Variants in SAMD12 observed in about 807,000 individuals in gnomAD.
SAMD12 encodes sterile alpha motif domain containing 12.
SAMD12 carries 9 observed loss-of-function variants against 15.0 expected under a neutral mutation model. The ratio of observed to expected loss-of-function variants is 0.60; its 90% confidence interval spans 0.36 to 1.05. The LOEUF (loss-of-function observed/expected upper bound fraction) is 1.05. Ranked by LOEUF, SAMD12 falls within the 50% of genes least tolerant of loss-of-function variation. SAMD12 has a pLI of 0.01. For missense variants in SAMD12, 230 were observed against 234.2 expected (o/e 0.98, Z 0.12); for synonymous variants, 86 against 90.1 (o/e 0.96, Z 0.25).
intron 4 of SAMD12, among the ~76,000 whole-genome samples, chr8:118,300,043 T>C (rs1814935204): frequency 6.6e-6 from 1 of 151,942 alleles, no homozygotes; most frequent in Non-Finnish European, 1.5e-5. Flanking sequence ...TTTTTTTTAA[T>C]TGACATATAA....
At chr8:118,278,272 C>T (rs1025286373) in intron 4 of SAMD12, among the ~76,000 whole-genome samples, 16 of 152,216 alleles carry the variant, frequency 1.1e-4, no homozygotes, top group African/African-American at 3.9e-4. Flanking sequence ...TGTAGCCCTG[C>T]AGGCTGAGCC....
At chr8:118,408,016 T>C (rs771244096) in intron 3 of SAMD12, among the ~76,000 whole-genome samples, 2 of 152,174 alleles carry the variant, frequency 1.3e-5, no homozygotes, top group Non-Finnish European at 2.9e-5. Flanking sequence ...CAACCTCCTA[T>C]GTGACCAGCT....
intron 4 of SAMD12, among the ~76,000 whole-genome samples, chr8:118,321,174 TA>T (rs1816254953): frequency 9.1e-6 from 1 of 110,284 alleles, no homozygotes; most frequent in East Asian, 2.3e-4. Context: ...TATATATATA[TA>T]TATATATATA....
chr8:118,488,757 A>T (rs1033987575), intron 2 of SAMD12, among the ~76,000 whole-genome samples: 1 of 152,120 alleles, frequency 6.6e-6, no homozygotes, highest in Non-Finnish European at 1.5e-5. Context: ...CCCTTCTCCT[A>T]TTGGTGGACA....
At position 118,378,687 on chromosome 8, in the gene SAMD12, C is replaced by A; in HGVS notation, c.*730G>T. ...AGGCTCTCAAAAACACATATTTTATCATCCTTTCATTTAAAACGATGTACA... is the reference window on the plus strand; with the variant it reads ...AGGCTCTCAAAAACACATATTTTATAATCCTTTCATTTAAAACGATGTACA... On this transcript the variant is annotated 3_prime_UTR_variant, in exon 4 of 4. Transcript: ENST00000314727. 1.0e-6 allele frequency: 1 copy of A among 984,948 alleles called. No homozygotes were observed. Among genetic ancestry groups the A allele is most frequent in the Non-Finnish European group, 1.2e-6 (1 of 829,550 alleles). 61.0% of individuals were successfully genotyped at this position (984,948 alleles called of 1,614,324 possible).
At chr8:118,366,047 A>G (rs1818750552) in intron 4 of SAMD12, among the ~76,000 whole-genome samples, 1 of 152,172 alleles carries the variant, frequency 6.6e-6, no homozygotes, top group African/African-American at 2.4e-5. Flanking sequence ...CTTGCTTATC[A>G]TATTTTGCCA....
chr8:118,599,917 C>A (rs1332313250), intron 1 of SAMD12, among the ~76,000 whole-genome samples: 3 of 152,150 alleles, frequency 2.0e-5, no homozygotes, highest in African/African-American at 7.2e-5. Flanking sequence ...CCAGGCGACT[C>A]AATTAGAAAC....
At chr8:118,290,289 C>T (rs187024042) in intron 4 of SAMD12, among the ~76,000 whole-genome samples, 134 of 152,288 alleles carry the variant, frequency 8.8e-4, no homozygotes, top group Non-Finnish European at 1.3e-3. Context: ...AACTCTCCAG[C>T]CTCACAAGTT....
At chr8:118,519,484 T>C (rs571259607) in intron 2 of SAMD12, among the ~76,000 whole-genome samples, 37 of 152,344 alleles carry the variant, frequency 2.4e-4, no homozygotes, top group African/African-American at 7.9e-4. Context: ...AATTAAAGTC[T>C]TCTAGGGCTA....
chr8:118,342,984 G>A (rs562982344), intron 4 of SAMD12, among the ~76,000 whole-genome samples: 1 of 152,278 alleles, frequency 6.6e-6, no homozygotes, highest in Admixed American at 6.5e-5. Flanking sequence ...TGTGGAAAAA[G>A]TGCTAGGAGT....
intron 4 of SAMD12, among the ~76,000 whole-genome samples, chr8:118,247,559 T>TA (rs1190173633): frequency 4.6e-5 from 7 of 151,796 alleles, no homozygotes; most frequent in Middle Eastern, 3.4e-3. Flanking sequence ...CAATTAAAAA[T>TA]AAAAAAAACT....
rs1360713469 is a variant in SAMD12 at position 118,321,139 on chromosome 8, T to TAATA, written c.433+58417_433+58420dup. 6.0e-3 allele frequency among the ~76,000 whole-genome samples: 541 copies of TAATA among 90,072 alleles called. 13 individuals are homozygous for TAATA. Among genetic ancestry groups the TAATA allele is most frequent in the African/African-American group, 0.018 (390 of 22,124 alleles). 59.1% of individuals were successfully genotyped at this position (90,072 alleles called of 152,430 possible). ...ATATATATAACATATATATCATAGA[T>TAATA]AATAAATATATATATATATATATAT... On this transcript the variant is annotated intron_variant, in intron 4 of 4. Transcript: ENST00000409003.
intron 4 of SAMD12, among the ~76,000 whole-genome samples, chr8:118,207,623 T>C (rs181224954): frequency 2.0e-5 from 3 of 152,218 alleles, no homozygotes; most frequent in Admixed American, 1.3e-4. Flanking sequence ...CTACACCCCA[T>C]CTCTCTTAGT....
chr8:118,507,991 C>CG (rs755924168), intron 2 of SAMD12, among the ~76,000 whole-genome samples: 51 of 108,816 alleles, frequency 4.7e-4, no homozygotes, highest in African/African-American at 1.7e-3. Flanking sequence ...GTATAATCTC[C>CG]TTTTTTTTTT....
chr8:118,518,640 A>T (rs1825311145), intron 2 of SAMD12, among the ~76,000 whole-genome samples: 1 of 152,178 alleles, frequency 6.6e-6, no homozygotes, highest in Admixed American at 6.5e-5. Context: ...GCAACATACG[A>T]GCCCCAGTCA....
intron 4 of SAMD12, among the ~76,000 whole-genome samples, chr8:118,198,798 T>C (rs1248311871): frequency 2.6e-5 from 4 of 152,178 alleles, no homozygotes; most frequent in African/African-American, 4.8e-5. Flanking sequence ...CATTGTCAAC[T>C]GGAAAAATAA....
chr8:118,492,376 A>G (rs893304756), intron 2 of SAMD12, among the ~76,000 whole-genome samples: 1 of 152,204 alleles, frequency 6.6e-6, no homozygotes, highest in African/African-American at 2.4e-5. Flanking sequence ...GTTATTTGAC[A>G]GAAACATGTA....
At chr8:118,135,845 A>G in the SAMD12 span, among the ~76,000 whole-genome samples, 305 of 151,532 alleles carry the variant, frequency 2.0e-3, 4 homozygotes, top group African/African-American at 7.0e-3. Context: ...CACCATGCCC[A>G]GCCCAGAAAT....
In SAMD12 at chr8:118,259,799, T is replaced by C. The variant is rs1813034419; in HGVS notation, c.434-62067A>G. On this transcript the variant is annotated intron_variant, in intron 4 of 4. Transcript: ENST00000409003. ...AGAGATGTCCTTACTCCCCACTTTG[T>C]ACCTGTTTCACAAAACCACCGTTCT... is the stretch of plus-strand genomic sequence containing the variant. Among the ~76,000 whole-genome samples, 3 of 152,128 alleles carry C rather than the reference T, an allele frequency of 2.0e-5. No individual in the cohort carries two copies. The South Asian group carries it at 6.2e-4, about 31-fold the overall frequency.
Sources: allele counts gnomAD v4.1 joint callset (sites outside exome capture counted in the v4.1 genomes callset), GRCh38; gene constraint gnomAD v4.1.1; transcripts MANE v1.5; gene names NCBI Gene and HGNC (gene_info 2026-07-23, HGNC 2026-07-21).